TUBGCP2: variants seen among roughly 807,000 people sequenced by gnomAD.
The protein encoded by TUBGCP2 is tubulin gamma complex component 2.
Under a neutral mutation model 92.2 loss-of-function variants are expected in TUBGCP2, and 55 were observed. The ratio of observed to expected loss-of-function variants is 0.60; its 90% CI spans 0.48 to 0.75. The LOEUF (loss-of-function observed/expected upper bound fraction) is 0.75. Among genes scored for constraint, TUBGCP2 ranks in the 30% least tolerant of loss-of-function variants. The pLI is 0.00. For synonymous variants in TUBGCP2, 533 were observed against 505.2 expected (o/e 1.06, Z -0.74); for missense variants, 1,093 against 1,188.9 (o/e 0.92, Z 1.19).
At chr10:133,284,135 G>T in intron 13 of TUBGCP2, 133 bp from the exon 14 acceptor site, 1 of 1,382,266 alleles carries the variant, frequency 7.2e-7, no homozygotes. Context: ...CAGAGCAAGC[G>T]CCCCTCCCAG....
At chr10:133,283,283 C>A in intron 14 of TUBGCP2, 62 bp from the exon 15 acceptor site, 1 of 1,605,512 alleles carries the variant, frequency 6.2e-7, no homozygotes, top group Non-Finnish European at 8.5e-7. Context: ...GCCCTGCATG[C>A]GCACGTGCTC....
intron 5 of TUBGCP2, among the ~76,000 whole-genome samples, chr10:133,294,826 G>A (rs974956687): frequency 1.9e-5 from 2 of 106,420 alleles, no homozygotes; most frequent in Admixed American, 1.9e-4. Context: ...GTGTTGCCCA[G>A]GCTGGCAGAT....
chr10:133,309,661 G>A, upstream of TUBGCP2: 1 of 1,343,590 alleles, frequency 7.4e-7, no homozygotes, highest in South Asian at 1.2e-5. Flanking sequence ...GAGGGTTTGG[G>A]ATTGCAAAAG....
chr10:133,298,095 C>T lies in TUBGCP2; in HGVS notation c.473G>A (p.Arg158Lys). 1.2e-6 allele frequency: 2 copies of T among 1,613,934 alleles called. No homozygotes were observed. The highest frequency in any genetic ancestry group is 1.7e-6 in the Non-Finnish European group (2 of 1,179,938). Residue 158 changes from arginine to lysine, a missense_variant, in exon 5 of 18, where the codon AGA becomes AAA. This residue lies in a region of TUBGCP2 where 490 missense variants were observed against 488.5 expected (regional missense o/e 1.00). Transcript: ENST00000252936. ...GTTCTGCTTGTCTCGAAGCATCTTTCTTTTAAGTTCCAGAGACTAGCAAGG... is the reference window on the plus strand; with the variant it reads ...GTTCTGCTTGTCTCGAAGCATCTTTTTTTTAAGTTCCAGAGACTAGCAAGG... Reference protein sequence around the residue: ...STLQQSLELKRKMLRDKQNKK... With the variant: ...STLQQSLELKKKMLRDKQNKK...
intron 2 of TUBGCP2, chr10:133,301,645 G>C (rs1847657651): frequency 6.9e-6 from 1 of 144,444 alleles, no homozygotes. Flanking sequence ...CATATTATCT[G>C]AATAAAGAAA....
At chr10:133,302,605 C>G in intron 2 of TUBGCP2, 187 bp downstream of exon 2, 1 of 658,988 alleles carries the variant, frequency 1.5e-6, no homozygotes, top group Non-Finnish European at 2.6e-6. Flanking sequence ...CAGTGTTCAT[C>G]CTGCACCCTG....
In TUBGCP2 at chr10:133,308,824, G is replaced by C. The variant is rs981944305; in HGVS notation, c.-41C>G. The C allele has an allele frequency of 3.6e-6, 3 of 837,882 alleles. No homozygotes were observed. Among genetic ancestry groups the C allele is most frequent in the East Asian group, 4.0e-5 (1 of 25,178 alleles). 51.9% of individuals were successfully genotyped at this position (837,882 alleles called of 1,614,324 possible). On this transcript the variant is annotated splice_region_variant and 5_prime_UTR_variant, in exon 1 of 18. Coordinates refer to ENST00000252936, the MANE Select transcript of TUBGCP2 (RefSeq NM_006659.4). Reference sequence around the variant, plus strand: ...CGCCCGCGTTCGGCCAGGACTCACCGCAGTCCCGGAGCCACAGCCCCCGCG... The same window carrying C: ...CGCCCGCGTTCGGCCAGGACTCACCCCAGTCCCGGAGCCACAGCCCCCGCG...
chr10:133,297,218 A>G (rs1401883631), intron 5 of TUBGCP2: 3 of 309,934 alleles, frequency 9.7e-6, no homozygotes, highest in Non-Finnish European at 1.9e-5. Context: ...TCTGGCCAAC[A>G]CGGCAAAACC....
At chr10:133,298,829 C>A (rs906223876) in intron 4 of TUBGCP2, among the ~76,000 whole-genome samples, 1 of 152,212 alleles carries the variant, frequency 6.6e-6, no homozygotes. Context: ...CCGGCTGGGT[C>A]CTTGGGAGCC....
Position 133,281,322 on chromosome 10 carries a change from T to C in TUBGCP2, c.2524A>G (p.Ile842Val), listed in dbSNP as rs1846969682. The change falls in exon 17 of 18, where the codon ATC (isoleucine) becomes GTC (valine). Residue 842 changes from isoleucine to valine, a missense_variant. Physicochemically the swap from Ile to Val is conservative, Grantham distance 29 (BLOSUM62 3). Around this residue, in one of 3 missense-constraint regions of TUBGCP2, gnomAD observed 598 missense variants for 675.5 expected, o/e 0.89. Coordinates refer to ENST00000252936, the MANE Select transcript of TUBGCP2 (RefSeq NM_006659.4). ...TGCTCACAGTCACTGGTGCTATAGA[T>C]GCTCAGCCGGGCCAGGAGGTCCAGC... ...HLLDLLARLS[I>V]YSTSDCEHGM... 1 of 1,613,230 alleles carries C rather than the reference T, an allele frequency of 6.2e-7. No homozygotes were observed. Among genetic ancestry groups the C allele is most frequent in the Non-Finnish European group, 8.5e-7 (1 of 1,179,986 alleles).
chr10:133,285,329 G>A lies in TUBGCP2; in HGVS notation c.1896-116C>T, dbSNP rs1283147554. 6.3e-7 allele frequency: 1 copy of A among 1,587,744 alleles called. No individual in the cohort carries two copies. Among genetic ancestry groups the A allele is most frequent in the Admixed American group, 1.8e-5 (1 of 55,436 alleles). ...CCCCGGACAGCCCGTGAATCTCTCG[G>A]ACACTGAAGGCCGGGGAGAGCCGCC... On this transcript the variant is annotated intron_variant, in intron 12 of 17. Transcript: ENST00000252936. The surrounding 1 kb of genome is among the most constrained non-coding windows in gnomAD (Gnocchi z 6.8).
At chr10:133,281,700 C>G (rs570421938) in intron 16 of TUBGCP2, among the ~76,000 whole-genome samples, 1 of 152,278 alleles carries the variant, frequency 6.6e-6, no homozygotes, top group Non-Finnish European at 1.5e-5. Flanking sequence ...GCTTTCCCAG[C>G]AGCTTTCTCA....
intron 9 of TUBGCP2, 89 bp from the exon 10 acceptor site, chr10:133,289,109 G>A: frequency 7.0e-7 from 1 of 1,418,768 alleles, no homozygotes; most frequent in East Asian, 2.3e-5. Context: ...CAGTGGAATG[G>A]ACATTGAATG....
chr10:133,300,756 G>T (rs567678007), intron 2 of TUBGCP2, among the ~76,000 whole-genome samples: 3 of 152,340 alleles, frequency 2.0e-5, no homozygotes, highest in South Asian at 2.1e-4. Context: ...TTACAGGTGT[G>T]AGCCCCTGCG....
At position 133,292,669 on chromosome 10, in the gene TUBGCP2, G is replaced by T; in HGVS notation, c.1044C>A (p.Gly348=). ...TCAGCGTGGACCCCCCAAGACATTC[G>T]CCTTTGTCCACCGAGGTGGCTGTGG... The part of the protein sequence containing the change: ...LASLATSVDK[G]ECLGGSTLSL... The change falls in exon 8 of 18, where the codon GGC becomes GGA. Residue 348 remains glycine, a synonymous_variant. Coordinates refer to ENST00000252936, the MANE Select transcript of TUBGCP2 (RefSeq NM_006659.4). The T allele has an allele frequency of 6.2e-7, 1 of 1,613,702 alleles. No individual in the cohort carries two copies. Among genetic ancestry groups the T allele is most frequent in the Non-Finnish European group, 8.5e-7 (1 of 1,179,866 alleles).
rs927305498 is a variant in TUBGCP2, at chr10:133,283,974, G to A, written c.2053C>T (p.Arg685Ter). Residue 685 changes from arginine to a stop codon, truncating the protein, a stop_gained, in exon 14 of 18, where the codon CGA becomes TGA. Transcript: ENST00000252936. LOFTEE classifies it high-confidence loss of function. ...WFAGAFTLRQ[R>*]MLNFVQNIQY... ...ATATTCTGGACGAAGTTGAGCATTC[G>A]CTGCCGCAGAGTGAAAGCCCCAGCA... is the stretch of plus-strand genomic sequence containing the variant. 1.9e-6 allele frequency: 3 copies of A among 1,614,014 alleles called. No individual in the cohort carries two copies. Among genetic ancestry groups the A allele is most frequent in the Non-Finnish European group, 2.5e-6 (3 of 1,179,978 alleles).
In TUBGCP2 at chr10:133,283,189, G is replaced by C. The variant is rs780179871; in HGVS notation, c.2178C>G (p.His726Gln). 10 of 1,614,256 alleles carry C rather than the reference G, an allele frequency of 6.2e-6. No individual in the cohort carries two copies. In the South Asian group the frequency reaches 1.1e-4, roughly 18 times the overall value. Reference protein sequence around the residue: ...ASNIDDVLGHHTGFLDTCLKD... With the variant: ...ASNIDDVLGHQTGFLDTCLKD... ...TCAGGCAGGTGTCCAGGAAGCCTGT[G>C]TGGTGGCCAAGGACGTCGTCAATGT... Residue 726 changes from histidine to glutamine, a missense_variant, in exon 15 of 18, where the codon CAC becomes CAG. Transcript: ENST00000252936.
upstream of TUBGCP2, chr10:133,310,084 C>T: frequency 6.2e-7 from 1 of 1,610,664 alleles, no homozygotes; most frequent in African/African-American, 1.3e-5. Flanking sequence ...CACCTTTCCG[C>T]CCTTGGCAGC....
At chr10:133,284,040 C>T (rs201196301) in intron 13 of TUBGCP2, 38 bp from the exon 14 acceptor site, 63 of 1,604,124 alleles carry the variant, frequency 3.9e-5, no homozygotes, top group East Asian at 3.4e-4. Flanking sequence ...CCATGGAGGA[C>T]GCGGCCCCGA....
Sources: allele counts gnomAD v4.1 joint callset (sites outside exome capture counted in the v4.1 genomes callset), GRCh38; gene constraint gnomAD v4.1.1; regional missense constraint gnomAD v4.1.1; non-coding constraint Gnocchi (gnomAD v3.1); transcripts MANE v1.5; gene names NCBI Gene and HGNC (gene_info 2026-07-23, HGNC 2026-07-21).